RIMS3: variants seen among roughly 807,000 people sequenced by gnomAD.
RIMS3 encodes regulating synaptic membrane exocytosis 3.
RIMS3 carries 15 observed loss-of-function variants against 29.2 expected under a neutral mutation model. The ratio of observed to expected loss-of-function variants is 0.51; its 90% confidence interval spans 0.34 to 0.79. The LOEUF (loss-of-function observed/expected upper bound fraction) is 0.79. RIMS3 is among the 30% of genes least tolerant of loss of function. RIMS3 has a pLI of 0.01. For missense variants in RIMS3, 342 were observed against 421.4 expected, an observed-to-expected ratio of 0.81 and a Z score of 1.65; for synonymous variants, 161 against 170.1, an observed-to-expected ratio of 0.95 and a Z score of 0.41.
chr1:40,629,141 G>T lies in RIMS3; in HGVS notation c.574+130C>A, dbSNP rs192287458. On this transcript the variant is annotated intron_variant, in intron 6 of 7. Coordinates refer to ENST00000372684, the MANE Select transcript of RIMS3 (RefSeq NM_014747.3). ...CCCTTACTCCCCCACCTAGTCACTGGCCTTCCAGGCAAGCTGTGACTCCAC... is the reference window on the plus strand; with the variant it reads ...CCCTTACTCCCCCACCTAGTCACTGTCCTTCCAGGCAAGCTGTGACTCCAC... 228 of 1,071,084 alleles carry T rather than the reference G, an allele frequency of 2.1e-4. 2 individuals carry two copies. In the East Asian group the frequency reaches 3.6e-3, roughly 17 times the overall value. 66.3% of individuals were successfully genotyped at this position (1,071,084 alleles called of 1,614,324 possible).
intron 7 of RIMS3, among the ~76,000 whole-genome samples, chr1:40,627,386 A>C (rs1003306703): frequency 6.6e-6 from 1 of 151,288 alleles, no homozygotes; most frequent in Admixed American, 6.6e-5. Flanking sequence ...CCGCCACCAC[A>C]CCCGGCTAAT....
intron 1 of RIMS3, among the ~76,000 whole-genome samples, chr1:40,659,244 C>G (rs957871291): frequency 6.6e-6 from 1 of 152,118 alleles, no homozygotes; most frequent in African/African-American, 2.4e-5. Flanking sequence ...AGCCTGGTGT[C>G]TTAGAGGGAC....
At chr1:40,680,449 A>C in the RIMS3 span, among the ~76,000 whole-genome samples, 36 of 151,220 alleles carry the variant, frequency 2.4e-4, no homozygotes, top group South Asian at 7.5e-3. Flanking sequence ...CTTGTACCTC[A>C]GCCTCCCAAG....
intron 7 of RIMS3, among the ~76,000 whole-genome samples, chr1:40,627,748 C>T (rs955089424): frequency 6.6e-6 from 1 of 150,522 alleles, no homozygotes. Flanking sequence ...ATTACTGGCA[C>T]GTGCCACCAT....
Position 40,623,645 on chromosome 1 carries a change from T to C in RIMS3, c.*2872A>G. On this transcript the variant is annotated 3_prime_UTR_variant, in exon 8 of 8. Coordinates refer to ENST00000372684, the MANE Select transcript of RIMS3 (RefSeq NM_014747.3). The stretch of plus-strand genomic sequence containing the variant: ...CCAGGGTGGGAGACTTCTGGAGGGA[T>C]CATGTTCCTTCCTTCCCCACCCCCC... 1 of 397,544 alleles carries C rather than the reference T, an allele frequency of 2.5e-6. No homozygotes were observed. The highest frequency in any genetic ancestry group is 4.4e-6 in the Non-Finnish European group (1 of 225,950). The allele number at this position is 397,544 out of a possible 1,614,324, so 24.6% of individuals were successfully genotyped here.
At chr1:40,669,467 G>A (rs1197813702), upstream of RIMS3, 2 of 152,224 alleles carry the variant, frequency 1.3e-5, no homozygotes, top group Non-Finnish European at 2.9e-5. Context: ...ATTCTGAATT[G>A]AGGAAAATAG....
At chr1:40,667,706 A>G (rs1371086419), upstream of RIMS3, among the ~76,000 whole-genome samples, 1 of 152,216 alleles carries the variant, frequency 6.6e-6, no homozygotes, top group Non-Finnish European at 1.5e-5. Flanking sequence ...CTTACCCGAT[A>G]CTAAAACATA....
rs914267200 is a variant in RIMS3 at position 40,636,764 on chromosome 1, C to T, written c.218-707G>A. On this transcript the variant is annotated intron_variant, in intron 3 of 7. Coordinates refer to ENST00000372684, the MANE Select transcript of RIMS3 (RefSeq NM_014747.3). The surrounding 1 kb of genome is among the most constrained non-coding windows in gnomAD (Gnocchi z 4.2). ...CGAAGCTGGCCTGTGAGAACTTACC[C>T]GTGTCTCCGTGCCTCCTGTTCAGAG... Among the ~76,000 whole-genome samples, 2 of 152,210 alleles carry T rather than the reference C, an allele frequency of 1.3e-5. No homozygotes were observed. The highest frequency in any genetic ancestry group is 2.1e-4 in the South Asian group (1 of 4,836).
chr1:40,653,814 G>A (rs1443953928), intron 1 of RIMS3, among the ~76,000 whole-genome samples: 5 of 152,160 alleles, frequency 3.3e-5, no homozygotes, highest in African/African-American at 9.7e-5. Flanking sequence ...TTGTGAGAAT[G>A]AGCAGGGACA....
At chr1:40,669,077 T>C (rs1274092848), upstream of RIMS3, 1 of 152,236 alleles carries the variant, frequency 6.6e-6, no homozygotes, top group African/African-American at 2.4e-5. Context: ...CGCGTGGCCA[T>C]CCTAAGAACT....
At chr1:40,664,887 G>C (rs1642402216) in intron 1 of RIMS3, among the ~76,000 whole-genome samples, 1 of 152,092 alleles carries the variant, frequency 6.6e-6, no homozygotes, top group Non-Finnish European at 1.5e-5. Flanking sequence ...GCTTCCCAAA[G>C]CCCCCTCTTC....
intron 2 of RIMS3, among the ~76,000 whole-genome samples, chr1:40,646,366 A>G (rs1390087334): frequency 6.6e-6 from 1 of 152,178 alleles, no homozygotes; most frequent in East Asian, 1.9e-4. Flanking sequence ...AGACTGTGGC[A>G]GAGTGGTTAG....
At chr1:40,660,140 T>C (rs572005562) in intron 1 of RIMS3, among the ~76,000 whole-genome samples, 1 of 152,174 alleles carries the variant, frequency 6.6e-6, no homozygotes, top group East Asian at 1.9e-4. Flanking sequence ...TAACAGGGCT[T>C]GCTGAGGACT....
the RIMS3 span, among the ~76,000 whole-genome samples, chr1:40,684,908 G>A: frequency 6.6e-6 from 1 of 152,156 alleles, no homozygotes; most frequent in Non-Finnish European, 1.5e-5. Context: ...GTGAGGTGGT[G>A]TTTCATCAGG....
chr1:40,645,803 T>A (rs1172351278), intron 2 of RIMS3, among the ~76,000 whole-genome samples: 2 of 152,172 alleles, frequency 1.3e-5, no homozygotes, highest in Non-Finnish European at 2.9e-5. Flanking sequence ...ATAAATGGAA[T>A]TGACAAGCAG....
At chr1:40,665,866 T>C (rs1473755055), upstream of RIMS3, among the ~76,000 whole-genome samples, 1 of 152,150 alleles carries the variant, frequency 6.6e-6, no homozygotes, top group East Asian at 1.9e-4. Flanking sequence ...AAGCGGGGTC[T>C]GGGGAAGCCT....
chr1:40,662,239 C>T (rs553075596), intron 1 of RIMS3, among the ~76,000 whole-genome samples: 10 of 152,284 alleles, frequency 6.6e-5, no homozygotes, highest in Non-Finnish European at 1.2e-4. Flanking sequence ...CCCTCTACCA[C>T]GCCAAGCCTG....
rs1646453600 is a variant in RIMS3, at chr1:40,626,340, A to G, written c.*177T>C. The G allele has an allele frequency of 9.1e-6, 6 of 658,248 alleles. No individual in the cohort carries two copies. Among genetic ancestry groups the G allele is most frequent in the South Asian group, 5.2e-5 (3 of 58,240 alleles). 40.8% of individuals were successfully genotyped at this position (658,248 alleles called of 1,614,324 possible). ...CGTGGTCACGTACACACACACACACACGCACGCACACACGCACACACTACA... is the reference window on the plus strand; with the variant it reads ...CGTGGTCACGTACACACACACACACGCGCACGCACACACGCACACACTACA... On this transcript the variant is annotated 3_prime_UTR_variant, in exon 8 of 8. Transcript: ENST00000372684.
chr1:40,623,320 T>C lies in RIMS3; in HGVS notation c.*3197A>G, dbSNP rs1646433874. On this transcript the variant is annotated 3_prime_UTR_variant, in exon 8 of 8. Transcript: ENST00000372684. ...TTGTCAAACCAAGACTTGGCTCCAT[T>C]TACTGGAGCCTTTTTCATACCAAAA... 1 of 398,286 alleles carries C rather than the reference T, an allele frequency of 2.5e-6. No individual in the cohort carries two copies. The highest frequency in any genetic ancestry group is 4.4e-5 in the Admixed American group (1 of 22,724). 24.7% of individuals were successfully genotyped at this position (398,286 alleles called of 1,614,324 possible).
Sources: gnomAD v4.1 joint callset for allele counts (sites outside exome capture counted in the v4.1 genomes callset) on GRCh38, gnomAD v4.1.1 for gene constraint, Gnocchi (gnomAD v3.1) non-coding constraint, MANE v1.5 for transcripts, NCBI Gene and HGNC (gene_info 2026-07-23, HGNC 2026-07-21) for gene names.